The following WDR35 variants were observed in gnomAD, a reference collection of about 807,000 sequenced individuals.
The protein encoded by WDR35 is WD repeat-containing protein 35.
WDR35 carries 118 observed loss-of-function variants against 158.3 expected under a neutral mutation model. That is an observed-to-expected ratio of 0.75 (90% CI 0.64 to 0.87). WDR35 has a LOEUF of 0.87. WDR35 is among the 40% of genes least tolerant of loss of function. The pLI, the probability that WDR35 is intolerant of heterozygous loss-of-function variation, is 0.00. For synonymous variants in WDR35, 448 were observed against 476.1 expected, an observed-to-expected ratio of 0.94 and a Z score of 0.77; for missense variants, 1,263 against 1,405.8, an observed-to-expected ratio of 0.90 and a Z score of 1.62.
intron 12 of WDR35, among the ~76,000 whole-genome samples, chr2:19,952,494 A>C (rs1671271511): frequency 6.6e-6 from 1 of 152,152 alleles, no homozygotes; most frequent in Non-Finnish European, 1.5e-5. Context: ...TGTCTTCTTG[A>C]TTTAAACTAA....
intron 25 of WDR35, among the ~76,000 whole-genome samples, chr2:19,915,919 TAAA>T (rs4035119): frequency 9.6e-4 from 120 of 124,722 alleles, no homozygotes; most frequent in Non-Finnish European, 1.1e-3. Context: ...AGACTCCATC[TAAA>T]AAAAAAAAAA....
intron 13 of WDR35, among the ~76,000 whole-genome samples, chr2:19,949,212 T>C (rs990268117): frequency 6.6e-6 from 1 of 152,200 alleles, no homozygotes; most frequent in Admixed American, 6.5e-5. Flanking sequence ...AAAACCAGCA[T>C]GATACATTCA....
chr2:19,912,155 CA>C lies in WDR35; in HGVS notation c.*1402del, dbSNP rs1332904814. 6.6e-6 allele frequency: 1 copy of C among 152,214 alleles called. No individual in the cohort carries two copies. Among genetic ancestry groups the C allele is most frequent in the Non-Finnish European group, 1.5e-5 (1 of 68,038 alleles). The allele number at this position is 152,214 out of a possible 1,614,324, so 9.4% of individuals were successfully genotyped here. A position where few individuals can be genotyped will look rare whatever the true frequency, so the allele number is the denominator to read the frequency against. Reference sequence around the variant, plus strand: ...CCACTCCACTGGCACGTTACACTAACAGTGTTAATCTATCATTGCTTTCTCC... The same window carrying C: ...CCACTCCACTGGCACGTTACACTAACGTGTTAATCTATCATTGCTTTCTCC... On this transcript the variant is annotated 3_prime_UTR_variant, in exon 27 of 27. Transcript: ENST00000281405.
chr2:19,935,405 T>C, intron 21 of WDR35, 66 bp downstream of exon 21: 2 of 1,557,554 alleles, frequency 1.3e-6, no homozygotes, highest in Admixed American at 1.7e-5. Context: ...AGATATTTCC[T>C]GACTATAACA....
chr2:19,966,102 C>T (rs1671842913), intron 10 of WDR35, among the ~76,000 whole-genome samples: 1 of 152,162 alleles, frequency 6.6e-6, no homozygotes, highest in Non-Finnish European at 1.5e-5. Context: ...CACCAGCAAA[C>T]ATGGCTGTTC....
rs559546061 is a variant in WDR35 at position 19,937,690 on chromosome 2, T to C, written c.2267+53A>G. On this transcript the variant is annotated intron_variant, in intron 19 of 26. Transcript: ENST00000281405. ...ATTTATAGTTTCCATTTGTAAAAAA[T>C]ACAATGATGAACTGATAGAGTACTC... 1.6e-5 allele frequency: 26 copies of C among 1,609,916 alleles called. No homozygotes were observed. In the South Asian group the frequency reaches 2.0e-4, roughly 12 times the overall value.
At chr2:19,960,904 T>G (rs533572222) in intron 10 of WDR35, among the ~76,000 whole-genome samples, 266 of 152,352 alleles carry the variant, frequency 1.7e-3, no homozygotes, top group Non-Finnish European at 2.7e-3. Flanking sequence ...TTTCATCATT[T>G]ATACAAGGGG....
At position 19,937,663 on chromosome 2, in the gene WDR35, G is replaced by A. The variant is rs143675771; in HGVS notation, c.2267+80C>T. 3.7e-4 allele frequency: 584 copies of A among 1,565,630 alleles called. 1 individual carries two copies. The African/African-American group carries it at 6.8e-3, about 18-fold the overall frequency. On this transcript the variant is annotated intron_variant, in intron 19 of 26. Transcript: ENST00000281405. The stretch of plus-strand genomic sequence containing the variant: ...AAAGGAACCATATGATACACCTAAC[G>A]TATTTATAGTTTCCATTTGTAAAAA...
intron 25 of WDR35, among the ~76,000 whole-genome samples, chr2:19,924,226 G>A (rs1474678701): frequency 6.6e-6 from 1 of 152,084 alleles, no homozygotes; most frequent in Non-Finnish European, 1.5e-5. Flanking sequence ...GGGACCAAAA[G>A]AACCATATGT....
At chr2:19,987,896 ATATATACACACGTATATATATATC>A (rs1553325395) in intron 2 of WDR35, among the ~76,000 whole-genome samples, 2 of 150,638 alleles carry the variant, frequency 1.3e-5, no homozygotes, top group South Asian at 2.1e-4. Flanking sequence ...ACACATATAT[ATATATACACACGTATATATATATC>A]TATATACACA....
chr2:19,947,367 AT>A (rs1181198991), intron 14 of WDR35, among the ~76,000 whole-genome samples: 1 of 152,182 alleles, frequency 6.6e-6, no homozygotes, highest in East Asian at 1.9e-4. Context: ...TGCTCTTAAG[AT>A]TTTTCCCCCC....
Position 19,973,698 on chromosome 2 carries a change from C to G in WDR35, c.747G>C (p.Leu249Phe), listed in dbSNP as rs1672102122. The change falls in exon 8 of 27, where the codon TTG (leucine) becomes TTC (phenylalanine). Residue 249 changes from leucine (L) to phenylalanine (F), a missense_variant. Coordinates refer to ENST00000281405, the MANE Select transcript of WDR35 (RefSeq NM_020779.4). ...CTACTACGTACATGCCAGTGTCAAT[C>G]AAAACGGGATCTAGTCAGAAAGAGA... is the stretch of plus-strand genomic sequence containing the variant. ...MRHENDQNPVLIDTGMYVVGI... is the reference protein window; with the variant it reads ...MRHENDQNPVFIDTGMYVVGI... The G allele has an allele frequency of 6.2e-7, 1 of 1,613,650 alleles. No individual in the cohort carries two copies. The highest frequency in any genetic ancestry group is 2.2e-5 in the East Asian group (1 of 44,874).
chr2:19,932,177 G>A, intron 23 of WDR35, 106 bp downstream of exon 23: 1 of 1,423,350 alleles, frequency 7.0e-7, no homozygotes, highest in Non-Finnish European at 9.8e-7. Context: ...GAGTGGTTTT[G>A]CTGTAATAAA....
intron 13 of WDR35, among the ~76,000 whole-genome samples, chr2:19,949,508 T>G (rs185488467): frequency 4.7e-4 from 72 of 152,338 alleles, no homozygotes; most frequent in African/African-American, 1.7e-3. Flanking sequence ...GCCACTAACC[T>G]GATGTCACCA....
intron 13 of WDR35, among the ~76,000 whole-genome samples, chr2:19,950,805 T>A (rs774844228): frequency 6.6e-6 from 1 of 152,130 alleles, no homozygotes; most frequent in Non-Finnish European, 1.5e-5. Context: ...CATTTTATGA[T>A]CCTGAGTAAA....
At chr2:19,952,820 G>T (rs372234538) in intron 12 of WDR35, among the ~76,000 whole-genome samples, 7 of 116,112 alleles carry the variant, frequency 6.0e-5, no homozygotes, top group Non-Finnish European at 1.1e-4. Flanking sequence ...ACGGAGTCTC[G>T]CTCTGTCGCC....
At chr2:19,986,041 AG>A (rs2103469875) in intron 2 of WDR35, among the ~76,000 whole-genome samples, 1 of 152,190 alleles carries the variant, frequency 6.6e-6, no homozygotes, top group South Asian at 2.1e-4. Context: ...GGAGCTATAG[AG>A]GGAGCAGGGG....
chr2:19,958,847 T>G (rs1671537321), intron 11 of WDR35, among the ~76,000 whole-genome samples: 1 of 152,160 alleles, frequency 6.6e-6, no homozygotes, highest in African/African-American at 2.4e-5. Flanking sequence ...AACTCTCATG[T>G]GTAGAGTATA....
rs529425278 is a variant in WDR35, at chr2:19,965,634, CAG to C, written c.1194+1088_1194+1089del. The stretch of plus-strand genomic sequence containing the variant: ...TTTAACGTAATTGTCCTGTTTTCAG[CAG>C]AGTTCCCCCACCCTCAGCTCTGCTT... On this transcript the variant is annotated intron_variant, in intron 10 of 26. Coordinates refer to ENST00000281405, the MANE Select transcript of WDR35 (RefSeq NM_020779.4). Among the ~76,000 whole-genome samples the C allele has an allele frequency of 3.5e-3, 530 of 152,282 alleles. 2 individuals are homozygous for C. The highest frequency in any genetic ancestry group is 6.8e-3 in the Middle Eastern group (2 of 294).
Sources: gnomAD v4.1 joint callset for allele counts (sites outside exome capture counted in the v4.1 genomes callset) on GRCh38, gnomAD v4.1.1 for gene constraint, MANE v1.5 for transcripts, NCBI Gene and HGNC (gene_info 2026-07-23, HGNC 2026-07-21) for gene names.